The following WDR7 variants were observed in gnomAD, a reference collection of about 807,000 sequenced individuals.
WDR7 encodes WD repeat domain 7.
Under a neutral mutation model 169.4 loss-of-function variants are expected in WDR7, and 46 were observed. That is an observed-to-expected ratio of 0.27 (90% confidence interval 0.21 to 0.35). The LOEUF (loss-of-function observed/expected upper bound fraction) is 0.35. Ranked by LOEUF, WDR7 falls within the 10% of genes least tolerant of loss-of-function variation. WDR7 has a pLI of 1.00. For missense variants in WDR7, 1,534 were observed against 1,859.3 expected, an observed-to-expected ratio of 0.83 and a Z score of 3.22; for synonymous variants, 612 against 666.8, an observed-to-expected ratio of 0.92 and a Z score of 1.27.
At chr18:56,808,112 G>A (rs977238250) in intron 19 of WDR7, among the ~76,000 whole-genome samples, 3 of 152,146 alleles carry the variant, frequency 2.0e-5, no homozygotes, top group African/African-American at 7.2e-5. Context: ...CGATAGAAGT[G>A]GTGTGAAGTG....
intron 1 of WDR7, among the ~76,000 whole-genome samples, chr18:56,669,197 G>C (rs648290): frequency 6.6e-6 from 1 of 152,122 alleles, no homozygotes; most frequent in Admixed American, 6.5e-5. Context: ...TCTATACAGA[G>C]CTGAGAAATA....
At chr18:56,965,240 G>A (rs2047391527) in intron 26 of WDR7, among the ~76,000 whole-genome samples, 1 of 152,024 alleles carries the variant, frequency 6.6e-6, no homozygotes, top group Non-Finnish European at 1.5e-5. Flanking sequence ...AATAAGACAT[G>A]ATCACTTAGA....
At chr18:56,763,299 C>T (rs1015477497) in intron 16 of WDR7, among the ~76,000 whole-genome samples, 1 of 151,940 alleles carries the variant, frequency 6.6e-6, no homozygotes, top group Non-Finnish European at 1.5e-5. Context: ...CTTAGTTTGT[C>T]GAGATTTTAA....
At chr18:57,007,293 A>G (rs2048075333) in intron 26 of WDR7, among the ~76,000 whole-genome samples, 1 of 152,120 alleles carries the variant, frequency 6.6e-6, no homozygotes, top group South Asian at 2.1e-4. Context: ...AATGTTTAAT[A>G]GTATATTTTT....
At chr18:56,773,354 T>A (rs2044193433) in intron 16 of WDR7, among the ~76,000 whole-genome samples, 3 of 151,252 alleles carry the variant, frequency 2.0e-5, no homozygotes, top group South Asian at 2.1e-4. Flanking sequence ...TTTTTTTTTT[T>A]ATCATTCATT....
chr18:56,856,378 AC>A (rs1237962980), intron 20 of WDR7, among the ~76,000 whole-genome samples: 1 of 152,022 alleles, frequency 6.6e-6, no homozygotes, highest in Non-Finnish European at 1.5e-5. Flanking sequence ...TACAAAACTT[AC>A]AAAAATTAGC....
chr18:56,903,265 A>G (rs1568257840), intron 21 of WDR7, among the ~76,000 whole-genome samples: 1 of 152,086 alleles, frequency 6.6e-6, no homozygotes, highest in Admixed American at 6.5e-5. Context: ...CCATGAATGA[A>G]GTTGTAATTA....
intron 26 of WDR7, among the ~76,000 whole-genome samples, chr18:56,987,310 AAG>A (rs1555721801): frequency 1.5e-5 from 2 of 131,948 alleles, no homozygotes; most frequent in African/African-American, 6.0e-5. Flanking sequence ...AAAAAAAAAA[AAG>A]GTGAGGTTTC....
chr18:56,942,919 C>G (rs1484882861), intron 25 of WDR7, among the ~76,000 whole-genome samples: 1 of 152,182 alleles, frequency 6.6e-6, no homozygotes, highest in African/African-American at 2.4e-5. Flanking sequence ...ATAAAGTCCA[C>G]ATAGGCCCAT....
At chr18:56,660,971 G>A (rs940958418) in intron 1 of WDR7, among the ~76,000 whole-genome samples, 1 of 152,192 alleles carries the variant, frequency 6.6e-6, no homozygotes, top group African/African-American at 2.4e-5. Context: ...GTTTAAAATG[G>A]AAATGGAGAG....
intron 1 of WDR7, among the ~76,000 whole-genome samples, chr18:56,670,165 C>T (rs622240): frequency 0.92 from 139,261 of 152,166 alleles, 64,876 homozygotes; most frequent in Non-Finnish European, 1. Context: ...GTTGCCAATT[C>T]GCTGGTAGTC....
intron 19 of WDR7, among the ~76,000 whole-genome samples, chr18:56,804,571 T>C (rs1056502203): frequency 6.6e-6 from 1 of 152,170 alleles, no homozygotes; most frequent in African/African-American, 2.4e-5. Context: ...ATAACAGTTA[T>C]GAGTCAGTGA....
chr18:56,679,438 GGTAA>G lies in WDR7; in HGVS notation c.266+4_266+7del, dbSNP rs770177552. 1.3e-6 allele frequency: 2 copies of G among 1,595,594 alleles called. No individual in the cohort carries two copies. The highest frequency in any genetic ancestry group is 1.7e-5 in the Admixed American group (1 of 59,764). ...TATATTGTGAGTGCATCTGAAAGTG[GGTAA>G]GTATTTTCTCATTTGCCTCTTTTTC... is the stretch of plus-strand genomic sequence containing the variant. On this transcript the variant is annotated splice_donor_variant and splice_donor_region_variant and intron_variant, in intron 3 of 27. Transcript: ENST00000254442. LOFTEE classifies it high-confidence loss of function.
At chr18:57,008,562 A>C (rs2048097075) in intron 26 of WDR7, among the ~76,000 whole-genome samples, 1 of 152,086 alleles carries the variant, frequency 6.6e-6, no homozygotes, top group Non-Finnish European at 1.5e-5. Context: ...TGAAGTCTTC[A>C]CTTGGCACAT....
At chr18:56,753,402 A>G (rs138774548) in intron 14 of WDR7, 3 of 152,206 alleles carry the variant, frequency 2.0e-5, no homozygotes, top group Admixed American at 6.5e-5. Flanking sequence ...CTACAAGATG[A>G]GTAAGACATG....
In WDR7 at chr18:56,847,264, C is replaced by T. The variant is rs141826147; in HGVS notation, c.3304+31120C>T. The stretch of plus-strand genomic sequence containing the variant: ...CCCTAAGGCCCTGTGGAAGTTTGAA[C>T]TTAAGAATGGTAATTTAGAGTATTT... On this transcript the variant is annotated intron_variant, in intron 20 of 27. Coordinates refer to ENST00000254442, the MANE Select transcript of WDR7 (RefSeq NM_015285.3). Among the ~76,000 whole-genome samples, 978 of 152,228 alleles carry T rather than the reference C, an allele frequency of 6.4e-3. 10 individuals are homozygous for T. Among genetic ancestry groups the T allele is most frequent in the African/African-American group, 0.022 (934 of 41,524 alleles).
chr18:56,786,781 A>T (rs1481692802), intron 19 of WDR7, among the ~76,000 whole-genome samples: 1 of 151,922 alleles, frequency 6.6e-6, no homozygotes. Context: ...TGTAATACTG[A>T]CTTATAGAAA....
intron 21 of WDR7, among the ~76,000 whole-genome samples, chr18:56,907,103 A>G (rs1021782212): frequency 4.6e-5 from 7 of 152,184 alleles, no homozygotes; most frequent in African/African-American, 1.7e-4. Flanking sequence ...GTGTTTTTTA[A>G]TGGTATAAAG....
chr18:56,866,253 A>G (rs2045881330), intron 20 of WDR7, among the ~76,000 whole-genome samples: 1 of 152,146 alleles, frequency 6.6e-6, no homozygotes, highest in Admixed American at 6.5e-5. Context: ...TTTAAAATTC[A>G]GCCAGTCATC....
Sources: gnomAD v4.1 joint callset for allele counts (sites outside exome capture counted in the v4.1 genomes callset) on GRCh38, gnomAD v4.1.1 for gene constraint, MANE v1.5 for transcripts, NCBI Gene and HGNC (gene_info 2026-07-23, HGNC 2026-07-21) for gene names.